FLT1: variants seen among roughly 807,000 people sequenced by gnomAD.
FLT1 encodes the protein fms related receptor tyrosine kinase 1.
In FLT1, 49 loss-of-function variants were observed where a neutral mutation model predicts 156.3. The ratio of observed to expected loss-of-function variants is 0.31; its 90% confidence interval spans 0.25 to 0.40. The LOEUF is 0.40. FLT1 is among the 10% of genes least tolerant of loss of function. The pLI is 1.00. For synonymous variants in FLT1, 594 were observed against 583.8 expected (o/e 1.02, Z -0.25); for missense variants, 1,322 against 1,637.2 (o/e 0.81, Z 3.32).
At chr13:28,319,251 C>A (rs1232738598) in intron 24 of FLT1, among the ~76,000 whole-genome samples, 172 bp downstream of exon 24, 1 of 152,168 alleles carries the variant, frequency 6.6e-6, no homozygotes, top group Non-Finnish European at 1.5e-5. Context: ...CAGTAGAGGG[C>A]AGACATGCGT....
chr13:28,313,907 A>AG (rs372132792), intron 25 of FLT1, among the ~76,000 whole-genome samples: 95,282 of 143,698 alleles, frequency 0.66, 34,697 homozygotes, highest in East Asian at 0.92. Context: ...AAAAAAAAAA[A>AG]AAGAAGAATC....
chr13:28,444,010 A>G (rs1333352342), intron 3 of FLT1, among the ~76,000 whole-genome samples: 1 of 152,244 alleles, frequency 6.6e-6, no homozygotes, highest in Non-Finnish European at 1.5e-5. Flanking sequence ...TCAATCCTTG[A>G]GGAAGATATA....
rs1832573551 is a variant in FLT1 at position 28,427,176 on chromosome 13, A to G, written c.1419T>C (p.His473=). ...TIKWFWHPCN[H]NHSEARCDFC... is the part of the protein sequence containing the mutation. ...GTCCCTACCTTGCTTCGGAATGATT[A>G]TGGTTACAGGGGTGCCAGAACCACT... The change falls in exon 10 of 30, where the codon CAT becomes CAC. Residue 473 remains histidine (H), a synonymous_variant. Transcript: ENST00000282397. 6.2e-7 allele frequency: 1 copy of G among 1,614,064 alleles called. No individual in the cohort carries two copies. The highest frequency in any genetic ancestry group is 2.2e-5 in the East Asian group (1 of 44,888).
Position 28,308,836 on chromosome 13 carries a change from G to A in FLT1, c.3720+7C>T, listed in dbSNP as rs761584349. On this transcript the variant is annotated splice_region_variant and intron_variant, in intron 28 of 29. Coordinates refer to ENST00000282397, the MANE Select transcript of FLT1 (RefSeq NM_002019.4). ...GGTGCACTAGGTACCTTAACTTCAC[G>A]ACTTACATCAAACATGGAGGTGGCA... 3.8e-6 allele frequency: 6 copies of A among 1,594,052 alleles called. No homozygotes were observed. The highest frequency in any genetic ancestry group is 4.3e-6 in the Non-Finnish European group (5 of 1,161,728).
chr13:28,342,811 C>T (rs922768568), intron 16 of FLT1, among the ~76,000 whole-genome samples: 1 of 152,138 alleles, frequency 6.6e-6, no homozygotes, highest in African/African-American at 2.4e-5. Flanking sequence ...TCCCATAAGA[C>T]CTGGCATATT....
chr13:28,365,174 T>G (rs1347493478), intron 14 of FLT1, among the ~76,000 whole-genome samples: 2 of 152,220 alleles, frequency 1.3e-5, no homozygotes, highest in Non-Finnish European at 2.9e-5. Flanking sequence ...TTTTCTTTTA[T>G]GTCATTTAAT....
chr13:28,358,537 C>T (rs960293839), intron 14 of FLT1, among the ~76,000 whole-genome samples: 1 of 152,172 alleles, frequency 6.6e-6, no homozygotes, highest in Non-Finnish European at 1.5e-5. Flanking sequence ...TTTCAGACCC[C>T]TGAAAGGCTT....
At position 28,345,566 on chromosome 13, in the gene FLT1, A is replaced by T; in HGVS notation, c.2249-15T>A. The stretch of plus-strand genomic sequence containing the variant: ...GTCCGAGGTTCCTGGAGAGAAAAAA[A>T]ATCACAATAGTGGTGCAACAAAGAA... On this transcript the variant is annotated splice_polypyrimidine_tract_variant and intron_variant, in intron 15 of 29. Transcript: ENST00000282397. The T allele has an allele frequency of 6.7e-7, 1 of 1,482,178 alleles. No homozygotes were observed. Among genetic ancestry groups the T allele is most frequent in the South Asian group, 1.2e-5 (1 of 86,570 alleles). 91.8% of individuals were successfully genotyped at this position (1,482,178 alleles called of 1,614,324 possible).
intron 14 of FLT1, among the ~76,000 whole-genome samples, chr13:28,366,761 A>G (rs1449011072): frequency 2.6e-5 from 4 of 152,100 alleles, no homozygotes; most frequent in Non-Finnish European, 5.9e-5. Context: ...GTGAGCCACC[A>G]CGCCCAGTGG....
chr13:28,339,948 T>C (rs1872267290), intron 16 of FLT1, among the ~76,000 whole-genome samples: 1 of 152,142 alleles, frequency 6.6e-6, no homozygotes. Flanking sequence ...GCTGTCTATG[T>C]GGTGGCCTGT....
chr13:28,409,555 G>C (rs1328604057), intron 10 of FLT1, among the ~76,000 whole-genome samples: 1 of 152,006 alleles, frequency 6.6e-6, no homozygotes, highest in East Asian at 1.9e-4. Context: ...GGCTGGTCTC[G>C]AACTCCTGGG....
intron 7 of FLT1, 113 bp downstream of exon 7, chr13:28,431,023 C>T (rs2137546289): frequency 2.1e-6 from 2 of 935,510 alleles, no homozygotes; most frequent in Non-Finnish European, 3.5e-6. Flanking sequence ...AAGCTGTATT[C>T]ATTCATGATA....
intron 3 of FLT1, among the ~76,000 whole-genome samples, chr13:28,457,648 T>C (rs944571504): frequency 6.6e-5 from 10 of 152,174 alleles, no homozygotes; most frequent in Non-Finnish European, 1.3e-4. Context: ...CACCTCCTCA[T>C]CTCCAAGCAA....
At position 28,308,929 on chromosome 13, in the gene FLT1, T is replaced by G; in HGVS notation, c.3636-2A>C. On this transcript the variant is annotated splice_acceptor_variant, in intron 27 of 29. Transcript: ENST00000282397. LOFTEE classifies it high-confidence loss of function. Reference sequence around the variant, plus strand: ...ATGAACTTGAAAGCATTTACGTATCTAATGAAGAAACAGAAAGAATTATCA... The same window carrying G: ...ATGAACTTGAAAGCATTTACGTATCGAATGAAGAAACAGAAAGAATTATCA... The G allele has an allele frequency of 6.4e-7, 1 of 1,561,064 alleles. No homozygotes were observed. The highest frequency in any genetic ancestry group is 8.8e-7 in the Non-Finnish European group (1 of 1,131,376).
intron 23 of FLT1, 131 bp downstream of exon 23, chr13:28,321,332 A>G: frequency 1.8e-6 from 2 of 1,123,190 alleles, no homozygotes; most frequent in Non-Finnish European, 2.7e-6. Context: ...GCTCATCTGG[A>G]CTGTTTGTCT....
At position 28,302,150 on chromosome 13, in the gene FLT1, A is replaced by C. The variant is rs1311315174; in HGVS notation, c.*1017T>G. Reference sequence around the variant, plus strand: ...TATGGAGAAAACTCCTCTCCTCAGGACTGCATTTTCATTCTTCTCAGCTTT... The same window carrying C: ...TATGGAGAAAACTCCTCTCCTCAGGCCTGCATTTTCATTCTTCTCAGCTTT... On this transcript the variant is annotated 3_prime_UTR_variant, in exon 30 of 30. Transcript: ENST00000282397. 4.3e-6 allele frequency: 1 copy of C among 233,128 alleles called. No individual in the cohort carries two copies. The highest frequency in any genetic ancestry group is 8.5e-6 in the Non-Finnish European group (1 of 118,038). 14.4% of individuals were successfully genotyped at this position (233,128 alleles called of 1,614,324 possible).
Position 28,321,601 on chromosome 13 carries a change from T to C in FLT1, c.3052-16A>G. The C allele has an allele frequency of 6.2e-7, 1 of 1,613,838 alleles. No homozygotes were observed. The highest frequency in any genetic ancestry group is 8.5e-7 in the Non-Finnish European group (1 of 1,179,742). Reference sequence around the variant, plus strand: ...GATGAATGCACTATAATAAAACAGTTGCATAATCAATGCATTTCCTTAACC... The same window carrying C: ...GATGAATGCACTATAATAAAACAGTCGCATAATCAATGCATTTCCTTAACC... On this transcript the variant is annotated splice_polypyrimidine_tract_variant and intron_variant, in intron 22 of 29. Transcript: ENST00000282397.
chr13:28,312,059 T>A lies in FLT1; in HGVS notation c.3426A>T (p.Lys1142Asn). The change falls in exon 26 of 30, where the codon AAA becomes AAT. Residue 1142 changes from lysine to asparagine, a missense_variant. Coordinates refer to ENST00000282397, the MANE Select transcript of FLT1 (RefSeq NM_002019.4). ...IMLDCWHRDP[K>N]ERPRFAELVE... is the part of the protein sequence containing the mutation. Reference sequence around the variant, plus strand: ...CAAGTTCTGCAAATCTTGGCCTTTCTTTTGGGTCTCTGTGCCAGCAGTCCA... The same window carrying A: ...CAAGTTCTGCAAATCTTGGCCTTTCATTTGGGTCTCTGTGCCAGCAGTCCA... 1 of 1,613,974 alleles carries A rather than the reference T, an allele frequency of 6.2e-7. No homozygotes were observed. The highest frequency in any genetic ancestry group is 8.5e-7 in the Non-Finnish European group (1 of 1,179,910).
At chr13:28,394,293 T>C (rs1478352929) in intron 12 of FLT1, among the ~76,000 whole-genome samples, 1 of 152,210 alleles carries the variant, frequency 6.6e-6, no homozygotes, top group Non-Finnish European at 1.5e-5. Context: ...GTTAAAGCTC[T>C]TGGATTTCTA....
Sources: gnomAD v4.1 joint callset for allele counts (sites outside exome capture counted in the v4.1 genomes callset) on GRCh38, gnomAD v4.1.1 for gene constraint, MANE v1.5 for transcripts, NCBI Gene and HGNC (gene_info 2026-07-23, HGNC 2026-07-21) for gene names.